Variants in ZRANB2 observed in about 807,000 individuals in gnomAD.
The protein encoded by ZRANB2 is zinc finger Ran-binding domain-containing protein 2.
Under a neutral mutation model 53.4 loss-of-function variants are expected in ZRANB2, and 19 were observed. The observed-to-expected ratio is 0.36, with a 90% confidence interval of 0.25 to 0.52. The LOEUF (loss-of-function observed/expected upper bound fraction) is 0.52. Among genes scored for constraint, ZRANB2 ranks in the 20% least tolerant of loss-of-function variants. The probability of loss-of-function intolerance (pLI) is 0.93; values close to 1 mark genes in which losing one functional copy is unlikely to be tolerated. For missense variants in ZRANB2, 309 were observed against 401.1 expected, an observed-to-expected ratio of 0.77 and a Z score of 1.96; for synonymous variants, 145 against 134.8, an observed-to-expected ratio of 1.08 and a Z score of -0.52.
chr1:71,075,019 T>C lies in ZRANB2; in HGVS notation c.301+1776A>G, dbSNP rs969266118. On this transcript the variant is annotated intron_variant, in intron 4 of 9. Transcript: ENST00000370920. The stretch of plus-strand genomic sequence containing the variant: ...AAGTGAGAAGTTATCAAATAAAATT[T>C]GCTTACTTCTCTGTTAAACTATAGT... 5.3e-5 allele frequency among the ~76,000 whole-genome samples: 8 copies of C among 152,348 alleles called. No homozygotes were observed. The East Asian group carries it at 1.5e-3, about 29-fold the overall frequency.
chr1:71,066,570 T>A (rs953418107), intron 9 of ZRANB2: 1 of 419,090 alleles, frequency 2.4e-6, no homozygotes, highest in Non-Finnish European at 4.1e-6. Flanking sequence ...AATAAAATGA[T>A]CAAAGAATGG....
chr1:71,077,931 T>C (rs1661744802), intron 3 of ZRANB2, among the ~76,000 whole-genome samples: 1 of 152,170 alleles, frequency 6.6e-6, no homozygotes, highest in Non-Finnish European at 1.5e-5. Context: ...TTCATACACA[T>C]AGGATTCATC....
chr1:71,069,332 C>T lies in ZRANB2; in HGVS notation c.714G>A (p.Gln238=). 1 of 1,612,828 alleles carries T rather than the reference C, an allele frequency of 6.2e-7. No individual in the cohort carries two copies. The highest frequency in any genetic ancestry group is 2.2e-5 in the East Asian group (1 of 44,828). ...CTCTGGAACTGGAACGAGATCTTGACTGCGAACTGGAAGAACTTCTTGAAC... is the reference window on the plus strand; with the variant it reads ...CTCTGGAACTGGAACGAGATCTTGATTGCGAACTGGAAGAACTTCTTGAAC... ...RSRSRSSSSS[Q]SRSRSSSRER... The change falls in exon 8 of 10, where the codon CAG becomes CAA. Residue 238 remains glutamine (Q), a synonymous_variant. Transcript: ENST00000370920.
chr1:71,066,911 C>T lies in ZRANB2; in HGVS notation c.794G>A (p.Gly265Asp), dbSNP rs771038871. The T allele has an allele frequency of 5.0e-6, 8 of 1,593,006 alleles. No individual in the cohort carries two copies. The highest frequency in any genetic ancestry group is 6.8e-6 in the Non-Finnish European group (8 of 1,170,564). The change falls in exon 9 of 10, where the codon GGC becomes GAC. Residue 265 changes from glycine to aspartate, a missense_variant. Physicochemically the swap from Gly to Asp is moderately conservative, Grantham distance 94. This residue lies in a region of ZRANB2 where 211 missense variants were observed against 196.1 expected (regional missense o/e 1.08). Transcript: ENST00000370920. ...AGATCTTTTTCGTGGGGAAGAAGAG[C>T]CCCTGTGGGACCTGGAGCTGGATCT... ...KSRSSSRSHR[G>D]SSSPRKRSYS... is the part of the protein sequence containing the mutation.
chr1:71,080,857 A>G, intron 1 of ZRANB2, 83 bp downstream of exon 1: 1 of 1,539,668 alleles, frequency 6.5e-7, no homozygotes. Context: ...ACAGAAAATC[A>G]TAAAAAAGGA....
chr1:71,080,805 G>T, intron 1 of ZRANB2, 135 bp downstream of exon 1: 3 of 998,756 alleles, frequency 3.0e-6, no homozygotes, highest in Admixed American at 3.7e-5. Context: ...CCTTCTTCCC[G>T]CCAGGGAACT....
At chr1:71,078,047 C>T (rs747204584) in intron 3 of ZRANB2, among the ~76,000 whole-genome samples, 14 of 152,112 alleles carry the variant, frequency 9.2e-5, no homozygotes, top group Non-Finnish European at 1.8e-4. Context: ...TAATTACTTA[C>T]GGCACACAAC....
At chr1:71,075,007 T>C (rs1661675602) in intron 4 of ZRANB2, among the ~76,000 whole-genome samples, 1 of 152,220 alleles carries the variant, frequency 6.6e-6, no homozygotes. Flanking sequence ...TGAGAAGTTA[T>C]CAAATAAAAT....
intron 1 of ZRANB2, 113 bp from the exon 2 acceptor site, chr1:71,078,821 T>A: frequency 1.1e-6 from 1 of 891,346 alleles, no homozygotes; most frequent in Non-Finnish European, 1.7e-6. Flanking sequence ...CTTAGTCATG[T>A]TAATGTCAAT....
intron 8 of ZRANB2, chr1:71,067,199 T>C (rs1202347597): frequency 7.8e-6 from 2 of 257,702 alleles, no homozygotes; most frequent in African/African-American, 4.5e-5. Context: ...ATTTAAACTT[T>C]TTTTAAGGCT....
intron 1 of ZRANB2, among the ~76,000 whole-genome samples, chr1:71,078,960 C>T (rs971943759): frequency 6.6e-6 from 1 of 152,164 alleles, no homozygotes; most frequent in Non-Finnish European, 1.5e-5. Flanking sequence ...CTTAGGATCT[C>T]TGCCTCAAGT....
chr1:71,065,883 T>A, intron 9 of ZRANB2: 9 of 1,314,726 alleles, frequency 6.8e-6, no homozygotes, highest in Non-Finnish European at 8.3e-6. Flanking sequence ...AACAGAGTAA[T>A]TTTTTTTACA....
chr1:71,065,140 G>T lies in ZRANB2; in HGVS notation c.930-3C>A, dbSNP rs772910245. ...ATCCAGATGATGACCTGTGGCGTCT[G>T]TAAGACATAATGGAGAGAGTAGGCA... On this transcript the variant is annotated splice_polypyrimidine_tract_variant and splice_region_variant and intron_variant, in intron 9 of 9. Coordinates refer to ENST00000370920, the MANE Select transcript of ZRANB2 (RefSeq NM_203350.3). 6.2e-7 allele frequency: 1 copy of T among 1,609,800 alleles called. No individual in the cohort carries two copies. Among genetic ancestry groups the T allele is most frequent in the Non-Finnish European group, 8.5e-7 (1 of 1,177,016 alleles).
intron 4 of ZRANB2, among the ~76,000 whole-genome samples, chr1:71,073,612 A>G (rs76083287): frequency 0.054 from 8,142 of 152,102 alleles, 332 homozygotes; most frequent in Middle Eastern, 0.1. Flanking sequence ...ACTTCAAAAT[A>G]CTTGGAAGTT....
chr1:71,076,535 A>T (rs555154576), intron 4 of ZRANB2, among the ~76,000 whole-genome samples: 1 of 152,328 alleles, frequency 6.6e-6, no homozygotes, highest in South Asian at 2.1e-4. Context: ...AGTGAAAGGG[A>T]GAGGAGGAGA....
At chr1:71,079,244 T>G (rs1374996645) in intron 1 of ZRANB2, among the ~76,000 whole-genome samples, 4 of 152,050 alleles carry the variant, frequency 2.6e-5, no homozygotes, top group African/African-American at 9.7e-5. Flanking sequence ...AAACTGAGTT[T>G]TACAGGGCAT....
intron 3 of ZRANB2, among the ~76,000 whole-genome samples, chr1:71,077,810 C>A (rs1195862581): frequency 6.6e-6 from 1 of 152,114 alleles, no homozygotes; most frequent in Non-Finnish European, 1.5e-5. Context: ...GAACTGAGAT[C>A]GCCCCACTGC....
intron 3 of ZRANB2, among the ~76,000 whole-genome samples, chr1:71,078,042 A>G (rs1382795413): frequency 2.0e-5 from 3 of 152,248 alleles, no homozygotes; most frequent in Non-Finnish European, 4.4e-5. Context: ...AGACTTAATT[A>G]CTTACGGCAC....
chr1:71,076,915 T>A, intron 3 of ZRANB2, 38 bp from the exon 4 acceptor site: 1 of 1,369,176 alleles, frequency 7.3e-7, no homozygotes, highest in Non-Finnish European at 1.0e-6. Flanking sequence ...TAGGCTATAA[T>A]ATAGATGAAT....
Sources: gnomAD v4.1 joint callset for allele counts (sites outside exome capture counted in the v4.1 genomes callset) on GRCh38, gnomAD v4.1.1 for gene constraint, gnomAD v4.1.1 regional missense constraint, MANE v1.5 for transcripts, NCBI Gene and HGNC (gene_info 2026-07-23, HGNC 2026-07-21) for gene names.